Variants in EXT1 observed in about 807,000 individuals in gnomAD.
EXT1 encodes exostosin-1.
A neutral mutation model predicts 82.5 loss-of-function variants in EXT1; 20 were observed. The ratio of observed to expected loss-of-function variants is 0.24; its 90% CI spans 0.17 to 0.35. The LOEUF (loss-of-function observed/expected upper bound fraction) is 0.35, where lower values mean the gene tolerates loss of function less well. EXT1 is among the 10% of genes least tolerant of loss of function. EXT1 has a pLI of 1.00. For missense variants in EXT1, 757 were observed against 936.5 expected (o/e 0.81, Z 2.50); for synonymous variants, 348 against 350.8 (o/e 0.99, Z 0.09).
intron 1 of EXT1, among the ~76,000 whole-genome samples, chr8:117,896,574 G>A (rs1415888780): frequency 5.3e-5 from 8 of 152,066 alleles, no homozygotes; most frequent in Non-Finnish European, 1.0e-4. Context: ...TTACATTACC[G>A]AGCCATCATC....
chr8:117,855,732 G>C (rs900121712), intron 1 of EXT1, among the ~76,000 whole-genome samples: 1 of 152,134 alleles, frequency 6.6e-6, no homozygotes, highest in African/African-American at 2.4e-5. Context: ...GCAATGGTGC[G>C]ATCTCGGCTC....
chr8:117,856,962 C>A (rs1042841278), intron 1 of EXT1, among the ~76,000 whole-genome samples: 2 of 152,066 alleles, frequency 1.3e-5, no homozygotes, highest in Admixed American at 6.6e-5. Flanking sequence ...AATCCTAGGA[C>A]CCTTAAGAAT....
At chr8:118,004,654 C>T (rs182529538) in intron 1 of EXT1, among the ~76,000 whole-genome samples, 1 of 152,328 alleles carries the variant, frequency 6.6e-6, no homozygotes, top group Non-Finnish European at 1.5e-5. Context: ...TGGGATTTCA[C>T]TTCCTGAGTA....
intron 1 of EXT1, among the ~76,000 whole-genome samples, chr8:117,967,603 T>G (rs755766275): frequency 1.3e-5 from 2 of 152,202 alleles, no homozygotes; most frequent in Non-Finnish European, 2.9e-5. Context: ...TAAGCCTGCT[T>G]TATTAATTCC....
At chr8:117,835,607 C>T in intron 2 of EXT1, 56 bp from the exon 3 acceptor site, 1 of 1,301,792 alleles carries the variant, frequency 7.7e-7, no homozygotes, top group Non-Finnish European at 1.1e-6. Context: ...GAAGCTGTTC[C>T]AATCAGAGGT....
intron 1 of EXT1, among the ~76,000 whole-genome samples, chr8:117,933,630 G>A (rs1814103750): frequency 6.6e-6 from 1 of 152,146 alleles, no homozygotes; most frequent in Admixed American, 6.5e-5. Flanking sequence ...AGCACCGTGA[G>A]TACTGGGACC....
chr8:118,041,041 A>G lies in EXT1; in HGVS notation c.962+69044T>C, dbSNP rs867246734. Among the ~76,000 whole-genome samples the G allele has an allele frequency of 1.1e-4, 17 of 152,354 alleles. No individual in the cohort carries two copies. The Middle Eastern group carries it at 0.014, about 122-fold the overall frequency. The stretch of plus-strand genomic sequence containing the variant: ...GAGAGGTTAATACACACATTGTTGC[A>G]AATGTACAAAATACAAAGCCACTTT... On this transcript the variant is annotated intron_variant, in intron 1 of 10. Transcript: ENST00000378204.
chr8:118,008,936 T>A (rs1335431058), intron 1 of EXT1, among the ~76,000 whole-genome samples: 3 of 152,180 alleles, frequency 2.0e-5, no homozygotes, highest in African/African-American at 7.2e-5. Flanking sequence ...ATGTGATTGC[T>A]ATTATGAAAT....
At chr8:117,984,796 G>A (rs1170210799) in intron 1 of EXT1, among the ~76,000 whole-genome samples, 1 of 152,054 alleles carries the variant, frequency 6.6e-6, no homozygotes, top group Non-Finnish European at 1.5e-5. Flanking sequence ...ATTTGAAAGA[G>A]TCTCTGATTA....
intron 5 of EXT1, among the ~76,000 whole-genome samples, chr8:117,821,207 T>C (rs138011721): frequency 6.6e-6 from 1 of 152,334 alleles, no homozygotes; most frequent in African/African-American, 2.4e-5. Context: ...AAAGGTTTTG[T>C]AGAGAAAATT....
chr8:117,914,160 G>T (rs546873898), intron 1 of EXT1, among the ~76,000 whole-genome samples: 2 of 152,300 alleles, frequency 1.3e-5, no homozygotes, highest in South Asian at 4.1e-4. Flanking sequence ...CAAGGACCCC[G>T]AACAGAGGGA....
chr8:117,905,906 A>T (rs898507984), intron 1 of EXT1, among the ~76,000 whole-genome samples: 1 of 152,230 alleles, frequency 6.6e-6, no homozygotes, highest in Non-Finnish European at 1.5e-5. Context: ...GAAAAAGACC[A>T]TGAAAAAAAT....
chr8:117,963,040 A>G (rs7815972), intron 1 of EXT1, among the ~76,000 whole-genome samples: 105,967 of 151,960 alleles, frequency 0.7, 37,354 homozygotes, highest in Middle Eastern at 0.81. Flanking sequence ...TTCCTTATCT[A>G]TGAGGAACAT....
Position 117,919,498 on chromosome 8 carries a change from A to T in EXT1, c.963-82297T>A, listed in dbSNP as rs1183308364. Among the ~76,000 whole-genome samples, 6 of 131,320 alleles carry T rather than the reference A, an allele frequency of 4.6e-5. No homozygotes were observed. In the South Asian group the frequency reaches 1.1e-3, roughly 24 times the overall value. 86.2% of individuals were successfully genotyped at this position (131,320 alleles called of 152,430 possible). On this transcript the variant is annotated intron_variant, in intron 1 of 10. Transcript: ENST00000378204. ...AGCCACCACGCTTGGCCAACATCTG[A>T]GTTAAAACTTTTTTTTTTTTTTTTG...
intron 1 of EXT1, among the ~76,000 whole-genome samples, chr8:118,008,763 T>C (rs1249721949): frequency 6.6e-6 from 1 of 152,130 alleles, no homozygotes; most frequent in Non-Finnish European, 1.5e-5. Context: ...TAAAAAAAAA[T>C]ACACCTTTGG....
At chr8:117,929,998 C>A (rs1392342241) in intron 1 of EXT1, among the ~76,000 whole-genome samples, 1 of 152,058 alleles carries the variant, frequency 6.6e-6, no homozygotes, top group Non-Finnish European at 1.5e-5. Flanking sequence ...ATCCCAGCTA[C>A]TTGGGAGGCT....
chr8:117,807,484 C>A lies in EXT1; in HGVS notation c.1723-107G>T, dbSNP rs367557133. 32 of 1,256,062 alleles carry A rather than the reference C, an allele frequency of 2.5e-5. No individual in the cohort carries two copies. In the South Asian group the frequency reaches 3.4e-4, roughly 13 times the overall value. 77.8% of individuals were successfully genotyped at this position (1,256,062 alleles called of 1,614,324 possible). On this transcript the variant is annotated intron_variant, in intron 8 of 10. Coordinates refer to ENST00000378204, the MANE Select transcript of EXT1 (RefSeq NM_000127.3). ...ATAATGCAAAATCCGGGGACTGTGG[C>A]GAAACATTAATTCTATGTATTCATC...
At chr8:118,086,892 G>C (rs995213470) in intron 1 of EXT1, among the ~76,000 whole-genome samples, 1 of 152,120 alleles carries the variant, frequency 6.6e-6, no homozygotes, top group Non-Finnish European at 1.5e-5. Flanking sequence ...GGTTGTTTCT[G>C]AAACTTCCCT....
chr8:118,014,699 A>T (rs1815969769), intron 1 of EXT1, among the ~76,000 whole-genome samples: 1 of 152,058 alleles, frequency 6.6e-6, no homozygotes, highest in African/African-American at 2.4e-5. Flanking sequence ...CTCAGCCCCG[A>T]AAGTGCTGGG....
Sources: gnomAD v4.1 joint callset for allele counts (sites outside exome capture counted in the v4.1 genomes callset) on GRCh38, gnomAD v4.1.1 for gene constraint, MANE v1.5 for transcripts, NCBI Gene and HGNC (gene_info 2026-07-23, HGNC 2026-07-21) for gene names.